CSMD3: variants seen among roughly 807,000 people sequenced by gnomAD.
The protein encoded by CSMD3 is CUB and sushi domain-containing protein 3.
In CSMD3, 177 loss-of-function variants were observed where a neutral mutation model predicts 435.2. That is an observed-to-expected ratio of 0.41 (90% CI 0.36 to 0.46). The LOEUF is 0.46. Among genes scored for constraint, CSMD3 ranks in the 20% least tolerant of loss-of-function variants. The pLI, the probability that CSMD3 is intolerant of heterozygous loss-of-function variation, is 0.34. For missense variants in CSMD3, 4,265 were observed against 4,504.6 expected, an observed-to-expected ratio of 0.95 and a Z score of 1.52; for synonymous variants, 1,656 against 1,520.5, an observed-to-expected ratio of 1.09 and a Z score of -2.07.
At chr8:113,112,386 C>CATATATAT (rs56256676) in intron 4 of CSMD3, among the ~76,000 whole-genome samples, 2 of 74,964 alleles carry the variant, frequency 2.7e-5, no homozygotes, top group African/African-American at 6.7e-5. Flanking sequence ...CCCAATAAAA[C>CATATATAT]ATATATATAT....
intron 18 of CSMD3, among the ~76,000 whole-genome samples, chr8:112,653,340 G>A (rs1339016173): frequency 6.6e-6 from 1 of 151,914 alleles, no homozygotes; most frequent in African/African-American, 2.4e-5. Context: ...AATATCTATT[G>A]ATCATAAATT....
At chr8:112,550,981 A>C (rs1261816382) in intron 26 of CSMD3, 108 bp from the exon 27 acceptor site, 1 of 767,414 alleles carries the variant, frequency 1.3e-6, no homozygotes, top group African/African-American at 1.7e-5. Flanking sequence ...CTTTTTTGCT[A>C]TGTGTTAAAA....
Position 112,315,089 on chromosome 8 carries a change from T to C in CSMD3, c.7361-472A>G, listed in dbSNP as rs1056681514. Among the ~76,000 whole-genome samples the C allele has an allele frequency of 2.6e-5, 4 of 152,040 alleles. No homozygotes were observed. In the South Asian group the frequency reaches 8.3e-4, roughly 32 times the overall value. On this transcript the variant is annotated intron_variant, in intron 47 of 70. Coordinates refer to ENST00000297405, the MANE Select transcript of CSMD3 (RefSeq NM_198123.2). ...CCTCTCTCAAAGTATTCATTTCAAG[T>C]AAAATCATTTCTGATATCAGGTATA...
chr8:113,319,677 A>G (rs1365715752), intron 1 of CSMD3, among the ~76,000 whole-genome samples: 1 of 152,092 alleles, frequency 6.6e-6, no homozygotes, highest in Non-Finnish European at 1.5e-5. Flanking sequence ...CAAGGCAAAA[A>G]AAAGTTATCA....
chr8:112,993,630 G>C (rs2085535380), intron 6 of CSMD3, among the ~76,000 whole-genome samples: 1 of 151,690 alleles, frequency 6.6e-6, no homozygotes, highest in South Asian at 2.1e-4. Flanking sequence ...GAGGGGTACA[G>C]AAACAATAAA....
At chr8:112,955,633 T>C (rs894883336) in intron 7 of CSMD3, among the ~76,000 whole-genome samples, 1 of 151,844 alleles carries the variant, frequency 6.6e-6, no homozygotes, top group African/African-American at 2.4e-5. Flanking sequence ...TCTTACTGTA[T>C]GTAATTTTGT....
At chr8:113,414,460 T>A (rs1388187357) in intron 1 of CSMD3, among the ~76,000 whole-genome samples, 1 of 152,108 alleles carries the variant, frequency 6.6e-6, no homozygotes, top group African/African-American at 2.4e-5. Context: ...CTGAATTATT[T>A]TTCTCCTATG....
chr8:113,308,258 CTTTT>C (rs11440584), intron 2 of CSMD3, among the ~76,000 whole-genome samples: 1 of 64,916 alleles, frequency 1.5e-5, no homozygotes, highest in African/African-American at 6.1e-5. Context: ...TCATTTAAGT[CTTTT>C]TTTTTTTTTT....
In CSMD3 at chr8:112,528,604, C is replaced by T. The variant is rs1267182616; in HGVS notation, c.4565-11379G>A. 2.0e-5 allele frequency among the ~76,000 whole-genome samples: 3 copies of T among 152,210 alleles called. No individual in the cohort carries two copies. The South Asian group carries it at 6.2e-4, about 32-fold the overall frequency. On this transcript the variant is annotated intron_variant, in intron 27 of 70. Transcript: ENST00000297405. ...CAATGGCAAAGTAGAAAGTCCTGTA[C>T]ACTCTACCCCAAAAAAACACAAATT...
intron 32 of CSMD3, among the ~76,000 whole-genome samples, chr8:112,420,730 A>G (rs1000283633): frequency 1.3e-5 from 2 of 152,200 alleles, no homozygotes; most frequent in Admixed American, 6.5e-5. Flanking sequence ...TTATTAAAGA[A>G]TGTAATTCAA....
intron 16 of CSMD3, among the ~76,000 whole-genome samples, chr8:112,680,504 T>C (rs988116366): frequency 5.3e-5 from 8 of 152,246 alleles, no homozygotes; most frequent in African/African-American, 1.9e-4. Context: ...CTATCCATAT[T>C]ATCCATTTTC....
At chr8:112,255,137 T>G in intron 62 of CSMD3, 117 bp downstream of exon 62, 1 of 817,266 alleles carries the variant, frequency 1.2e-6, no homozygotes, top group South Asian at 1.7e-5. Context: ...TGCTTCTATA[T>G]TTTACACTTG....
intron 24 of CSMD3, among the ~76,000 whole-genome samples, chr8:112,567,607 G>T (rs1586699305): frequency 6.6e-6 from 1 of 152,204 alleles, no homozygotes; most frequent in African/African-American, 2.4e-5. Flanking sequence ...AAGTAGAAAT[G>T]ATATCTCTAT....
At position 112,234,438 on chromosome 8, in the gene CSMD3, A is replaced by G. The variant is rs1390324890; in HGVS notation, c.10667T>C (p.Ile3556Thr). Residue 3556 changes from isoleucine (I) to threonine (T), a missense_variant, in exon 68 of 71, where the codon ATA becomes ACA. Around this residue, in one of 3 missense-constraint regions of CSMD3, gnomAD observed 3,255 missense variants for 3,380.2 expected, o/e 0.96. Coordinates refer to ENST00000297405, the MANE Select transcript of CSMD3 (RefSeq NM_198123.2). The stretch of plus-strand genomic sequence containing the variant: ...ATGAGCAGGTACTTTAATAAGATAT[A>G]TGCGTAACATTAGGCGAGCTTCCTG... ...KSQEARLMLRIYLIKVPAHAS... is the reference protein window; with the variant it reads ...KSQEARLMLRTYLIKVPAHAS... The G allele has an allele frequency of 6.2e-7, 1 of 1,613,402 alleles. No individual in the cohort carries two copies. The highest frequency in any genetic ancestry group is 8.5e-7 in the Non-Finnish European group (1 of 1,179,620).
intron 13 of CSMD3, among the ~76,000 whole-genome samples, chr8:112,692,523 A>G (rs924880366): frequency 1.3e-5 from 2 of 152,200 alleles, no homozygotes; most frequent in African/African-American, 4.8e-5. Context: ...TCAAGTTGAA[A>G]TTATTTATGC....
chr8:112,346,398 G>A (rs1046393119), intron 40 of CSMD3, among the ~76,000 whole-genome samples, 185 bp from the exon 41 acceptor site: 13 of 152,062 alleles, frequency 8.5e-5, no homozygotes, highest in Non-Finnish European at 1.8e-4. Context: ...TTCTAAAACA[G>A]CATAAAAAGA....
At chr8:113,318,090 T>C (rs2093923332) in intron 1 of CSMD3, among the ~76,000 whole-genome samples, 1 of 152,180 alleles carries the variant, frequency 6.6e-6, no homozygotes, top group Non-Finnish European at 1.5e-5. Flanking sequence ...ACAAAGGGCA[T>C]ATATCCTTGT....
intron 36 of CSMD3, among the ~76,000 whole-genome samples, chr8:112,384,574 A>C (rs1343591564): frequency 6.6e-6 from 1 of 152,222 alleles, no homozygotes; most frequent in African/African-American, 2.4e-5. Context: ...TTAAGCTAAA[A>C]TCTGTTAAAA....
At position 112,921,761 on chromosome 8, in the gene CSMD3, A is replaced by G. The variant is rs753023876; in HGVS notation, c.1509-10T>C. The G allele has an allele frequency of 5.0e-6, 8 of 1,597,162 alleles. No individual in the cohort carries two copies. Among genetic ancestry groups the G allele is most frequent in the African/African-American group, 1.3e-5 (1 of 74,456 alleles). On this transcript the variant is annotated splice_polypyrimidine_tract_variant and intron_variant, in intron 9 of 70. Transcript: ENST00000297405. ...CACAGTTGATCCAAGGCTAAAGTTAAATAAAAGAGAAAAAATATGATAAGA... is the reference window on the plus strand; with the variant it reads ...CACAGTTGATCCAAGGCTAAAGTTAGATAAAAGAGAAAAAATATGATAAGA...
Sources: allele counts gnomAD v4.1 joint callset (sites outside exome capture counted in the v4.1 genomes callset), GRCh38; gene constraint gnomAD v4.1.1; regional missense constraint gnomAD v4.1.1; transcripts MANE v1.5; gene names NCBI Gene and HGNC (gene_info 2026-07-23, HGNC 2026-07-21).